EEFSEC: variants seen among roughly 807,000 people sequenced by gnomAD.
EEFSEC encodes selenocysteine-specific elongation factor.
EEFSEC carries 43 observed loss-of-function variants against 42.1 expected under a neutral mutation model. The observed-to-expected ratio is 1.02, with a 90% confidence interval of 0.80 to 1.32. The LOEUF is 1.32. EEFSEC is among the 40% of genes most tolerant of loss of function. The pLI is 0.00. For synonymous variants in EEFSEC, 354 were observed against 339.1 expected (o/e 1.04, Z -0.48); for missense variants, 745 against 803.6 (o/e 0.93, Z 0.88).
At chr3:128,216,057 A>T (rs1019119748) in intron 1 of EEFSEC, among the ~76,000 whole-genome samples, 2 of 152,168 alleles carry the variant, frequency 1.3e-5, no homozygotes, top group African/African-American at 4.8e-5. Context: ...ATGGGGATGC[A>T]TAGTTCTTGC....
chr3:128,180,352 C>T (rs1017401321), intron 1 of EEFSEC, among the ~76,000 whole-genome samples: 8 of 152,158 alleles, frequency 5.3e-5, no homozygotes, highest in African/African-American at 1.9e-4. Flanking sequence ...ACAGCTATTC[C>T]TTTGACAACA....
chr3:128,361,793 G>A (rs970194595), intron 6 of EEFSEC, among the ~76,000 whole-genome samples: 1 of 152,222 alleles, frequency 6.6e-6, no homozygotes, highest in African/African-American at 2.4e-5. Context: ...TTCATGGGAG[G>A]ATAGGAGGCC....
intron 5 of EEFSEC, among the ~76,000 whole-genome samples, chr3:128,355,820 A>G (rs1473249588): frequency 6.6e-6 from 1 of 152,228 alleles, no homozygotes; most frequent in Non-Finnish European, 1.5e-5. Context: ...AAGTAAACAG[A>G]TAAGGTCAAA....
chr3:128,249,434 TATAAC>T (rs1451697091), intron 2 of EEFSEC, among the ~76,000 whole-genome samples: 3 of 152,240 alleles, frequency 2.0e-5, no homozygotes, highest in African/African-American at 4.8e-5. Context: ...GTAAAATACA[TATAAC>T]ATAATGTTTA....
chr3:128,373,512 T>C (rs2067676082), intron 6 of EEFSEC, among the ~76,000 whole-genome samples: 1 of 152,200 alleles, frequency 6.6e-6, no homozygotes, highest in Non-Finnish European at 1.5e-5. Flanking sequence ...CCAGAGTGTT[T>C]CACTGCTGCC....
chr3:128,174,328 C>T (rs747323561), intron 1 of EEFSEC, among the ~76,000 whole-genome samples: 2 of 152,218 alleles, frequency 1.3e-5, no homozygotes, highest in Non-Finnish European at 2.9e-5. Context: ...TACTAGGTGG[C>T]GTTCTCTTGC....
At chr3:128,161,494 G>A (rs1228378197) in intron 1 of EEFSEC, among the ~76,000 whole-genome samples, 2 of 152,078 alleles carry the variant, frequency 1.3e-5, no homozygotes, top group Non-Finnish European at 2.9e-5. Flanking sequence ...TTTTAGCGGT[G>A]CCTCCTGCGT....
intron 6 of EEFSEC, among the ~76,000 whole-genome samples, chr3:128,386,512 A>C (rs1171875561): frequency 6.6e-6 from 1 of 151,746 alleles, no homozygotes; most frequent in Non-Finnish European, 1.5e-5. Context: ...GTGACACCAC[A>C]GCTGAGGGTA....
chr3:128,243,301 A>G (rs1436871979), intron 1 of EEFSEC, among the ~76,000 whole-genome samples: 1 of 152,106 alleles, frequency 6.6e-6, no homozygotes, highest in South Asian at 2.1e-4. Context: ...TTTGGGTCCT[A>G]TCTATGCTTA....
intron 1 of EEFSEC, among the ~76,000 whole-genome samples, chr3:128,202,510 T>C (rs1466653594): frequency 6.6e-6 from 1 of 152,256 alleles, no homozygotes; most frequent in Admixed American, 6.5e-5. Context: ...GCAACCTTGC[T>C]AAACCTTCTT....
intron 1 of EEFSEC, among the ~76,000 whole-genome samples, chr3:128,185,038 GAAA>G (rs1270454303): frequency 6.6e-6 from 1 of 151,950 alleles, no homozygotes; most frequent in Non-Finnish European, 1.5e-5. Context: ...CTGAAAGAAG[GAAA>G]AAAACAAATA....
chr3:128,396,919 G>A (rs2067987721), intron 6 of EEFSEC, among the ~76,000 whole-genome samples: 1 of 152,202 alleles, frequency 6.6e-6, no homozygotes, highest in Non-Finnish European at 1.5e-5. Flanking sequence ...TCTTTTCTGT[G>A]TCAGGCCCCC....
intron 4 of EEFSEC, among the ~76,000 whole-genome samples, chr3:128,312,970 T>C (rs1431124371): frequency 2.0e-5 from 3 of 152,196 alleles, no homozygotes; most frequent in Non-Finnish European, 4.4e-5. Context: ...AGCCCTTGGT[T>C]AAAGTCTAGG....
intron 6 of EEFSEC, among the ~76,000 whole-genome samples, chr3:128,376,312 G>C (rs181768569): frequency 1.3e-5 from 2 of 152,332 alleles, no homozygotes; most frequent in East Asian, 3.9e-4. Flanking sequence ...TTTGCTGCAA[G>C]CAGGAATGCC....
At chr3:128,266,393 T>C (rs755970641) in intron 4 of EEFSEC, among the ~76,000 whole-genome samples, 3 of 151,880 alleles carry the variant, frequency 2.0e-5, no homozygotes, top group Non-Finnish European at 4.4e-5. Context: ...TAGAGCAGCA[T>C]GGTTGGATAT....
chr3:128,339,901 G>C (rs1228531670), intron 4 of EEFSEC, among the ~76,000 whole-genome samples: 1 of 152,156 alleles, frequency 6.6e-6, no homozygotes, highest in Non-Finnish European at 1.5e-5. Flanking sequence ...AGTTAAAGGG[G>C]TTTCCCCTTA....
At chr3:128,387,429 T>G (rs905393995) in intron 6 of EEFSEC, among the ~76,000 whole-genome samples, 2 of 151,936 alleles carry the variant, frequency 1.3e-5, no homozygotes, top group Non-Finnish European at 2.9e-5. Context: ...GGTGCATGAG[T>G]CCAGGCTCGC....
intron 1 of EEFSEC, among the ~76,000 whole-genome samples, chr3:128,240,220 G>A (rs563472848): frequency 6.6e-6 from 1 of 152,328 alleles, no homozygotes; most frequent in Admixed American, 6.5e-5. Context: ...AGTGGGGACA[G>A]CAGGCCTTGT....
intron 1 of EEFSEC, among the ~76,000 whole-genome samples, chr3:128,211,861 T>C (rs1412015844): frequency 8.3e-6 from 1 of 120,422 alleles, no homozygotes; most frequent in African/African-American, 3.2e-5. Flanking sequence ...TTTTTTTTTT[T>C]TTTTTTTTTT....
Sources: gnomAD v4.1 joint callset for allele counts (sites outside exome capture counted in the v4.1 genomes callset) on GRCh38, gnomAD v4.1.1 for gene constraint, MANE v1.5 for transcripts, NCBI Gene and HGNC (gene_info 2026-07-23, HGNC 2026-07-21) for gene names.